Variants in DEPDC1B observed in about 807,000 individuals in gnomAD.
The protein encoded by DEPDC1B is DEP domain containing 1B, also known as DEP domain-containing protein 1B.
A neutral mutation model predicts 66.5 loss-of-function variants in DEPDC1B; 51 were observed. That is an observed-to-expected ratio of 0.77 (90% CI 0.61 to 0.97). The LOEUF (loss-of-function observed/expected upper bound fraction) is 0.97, where lower values mean the gene tolerates loss of function less well. DEPDC1B is among the 50% of genes least tolerant of loss of function. The pLI is 0.00. For missense variants in DEPDC1B, 552 were observed against 637.1 expected (o/e 0.87, Z 1.44); for synonymous variants, 226 against 223.6 (o/e 1.01, Z -0.10).
chr5:60,599,388 T>C (rs565344679), intron 9 of DEPDC1B, 128 bp from the exon 10 acceptor site: 12 of 558,870 alleles, frequency 2.1e-5, no homozygotes, highest in Admixed American at 2.1e-4. Flanking sequence ...CAAAATTTGA[T>C]TGGGGGAAAC....
At chr5:60,603,310 T>C (rs1752238942) in intron 9 of DEPDC1B, 81 bp downstream of exon 9, 1 of 1,324,926 alleles carries the variant, frequency 7.5e-7, no homozygotes, top group Non-Finnish European at 1.0e-6. Context: ...ATCCTCATAA[T>C]AAAATGCCCC....
intron 7 of DEPDC1B, among the ~76,000 whole-genome samples, chr5:60,612,388 A>C (rs1412945653): frequency 6.7e-6 from 1 of 150,348 alleles, no homozygotes; most frequent in Non-Finnish European, 1.5e-5. Flanking sequence ...GTGCCGCTGC[A>C]CTCCAGCCTG....
intron 7 of DEPDC1B, among the ~76,000 whole-genome samples, chr5:60,615,536 G>A (rs1752528172): frequency 6.6e-6 from 1 of 152,196 alleles, no homozygotes; most frequent in Non-Finnish European, 1.5e-5. Flanking sequence ...CGCCCACGGA[G>A]CCTTGCTCAT....
chr5:60,666,757 G>C (rs1319230666), intron 2 of DEPDC1B, among the ~76,000 whole-genome samples: 1 of 152,152 alleles, frequency 6.6e-6, no homozygotes, highest in Non-Finnish European at 1.5e-5. Flanking sequence ...CCAGCCCAGA[G>C]GTGGCACCGA....
intron 7 of DEPDC1B, among the ~76,000 whole-genome samples, chr5:60,624,172 T>C (rs531438711): frequency 6.6e-6 from 1 of 152,316 alleles, no homozygotes; most frequent in South Asian, 2.1e-4. Context: ...TTTTCTTCTA[T>C]TGTAATGTAT....
intron 9 of DEPDC1B, among the ~76,000 whole-genome samples, chr5:60,602,574 C>A (rs1298355230): frequency 6.6e-6 from 1 of 152,098 alleles, no homozygotes; most frequent in Non-Finnish European, 1.5e-5. Flanking sequence ...CTCCCACAGG[C>A]TGACATACAA....
At chr5:60,612,918 A>T (rs1030098901) in intron 7 of DEPDC1B, among the ~76,000 whole-genome samples, 1 of 152,192 alleles carries the variant, frequency 6.6e-6, no homozygotes, top group Non-Finnish European at 1.5e-5. Context: ...TAACTGAAGG[A>T]TATAAAATAA....
chr5:60,638,944 GTAT>G, intron 6 of DEPDC1B, 54 bp from the exon 7 acceptor site: 1 of 1,575,554 alleles, frequency 6.3e-7, no homozygotes, highest in Non-Finnish European at 8.6e-7. Context: ...TTACCTCTAA[GTAT>G]TATTCTCTGT....
chr5:60,612,280 A>T (rs1752428122), intron 7 of DEPDC1B, among the ~76,000 whole-genome samples: 1 of 151,934 alleles, frequency 6.6e-6, no homozygotes, highest in Non-Finnish European at 1.5e-5. Context: ...AAAATTAGCC[A>T]GGCATGGTGG....
chr5:60,631,239 T>A (rs897773781), intron 7 of DEPDC1B, among the ~76,000 whole-genome samples: 1 of 152,162 alleles, frequency 6.6e-6, no homozygotes, highest in African/African-American at 2.4e-5. Flanking sequence ...AGCTTCCTCA[T>A]TACTGGGCAT....
intron 2 of DEPDC1B, among the ~76,000 whole-genome samples, chr5:60,651,549 C>CA (rs3029124): frequency 2.3e-3 from 322 of 140,038 alleles, no homozygotes; most frequent in African/African-American, 7.9e-3. Flanking sequence ...ACAAAAAAAA[C>CA]AAAAAAAAAA....
intron 7 of DEPDC1B, among the ~76,000 whole-genome samples, chr5:60,634,277 G>A (rs1023801485): frequency 1.3e-5 from 2 of 152,178 alleles, no homozygotes; most frequent in Non-Finnish European, 1.5e-5. Flanking sequence ...TTCCTTCCAA[G>A]TCAGACACAT....
chr5:60,619,441 T>A (rs1752648842), intron 7 of DEPDC1B, among the ~76,000 whole-genome samples: 2 of 152,152 alleles, frequency 1.3e-5, no homozygotes, highest in South Asian at 4.1e-4. Context: ...TTCAGCAAAG[T>A]CTCAGGATAC....
intron 7 of DEPDC1B, among the ~76,000 whole-genome samples, chr5:60,624,835 T>C (rs1055717745): frequency 6.6e-6 from 1 of 152,058 alleles, no homozygotes; most frequent in South Asian, 2.1e-4. Context: ...ACCAAAGTAA[T>C]GTCAAACCAA....
chr5:60,658,392 T>C (rs1468527510), intron 2 of DEPDC1B, among the ~76,000 whole-genome samples: 2 of 152,212 alleles, frequency 1.3e-5, no homozygotes, highest in Admixed American at 6.5e-5. Context: ...ATTACCAGAA[T>C]TGTTTTTCTG....
chr5:60,620,288 C>CA (rs1263149228), intron 7 of DEPDC1B, among the ~76,000 whole-genome samples: 1 of 152,096 alleles, frequency 6.6e-6, no homozygotes, highest in Non-Finnish European at 1.5e-5. Flanking sequence ...AATTGACAAA[C>CA]AGGATCTAAT....
At chr5:60,667,994 TATATATAAAATGGATATTTTA>T (rs1753916145) in intron 2 of DEPDC1B, among the ~76,000 whole-genome samples, 1 of 113,436 alleles carries the variant, frequency 8.8e-6, no homozygotes, top group Non-Finnish European at 1.6e-5. Flanking sequence ...ATGGATATTA[TATATATAAAATGGATATTTTA>T]TATATATATA....
chr5:60,662,126 C>A (rs981244906), intron 2 of DEPDC1B, among the ~76,000 whole-genome samples: 16 of 152,026 alleles, frequency 1.1e-4, no homozygotes, highest in African/African-American at 3.1e-4. Flanking sequence ...TGGTGATTCA[C>A]GCCTGTAATC....
intron 7 of DEPDC1B, among the ~76,000 whole-genome samples, chr5:60,624,837 T>C (rs1752777119): frequency 6.6e-6 from 1 of 152,080 alleles, no homozygotes; most frequent in Non-Finnish European, 1.5e-5. Context: ...CAAAGTAATG[T>C]CAAACCAAAG....
Sources: allele counts gnomAD v4.1 joint callset (sites outside exome capture counted in the v4.1 genomes callset), GRCh38; gene constraint gnomAD v4.1.1; transcripts MANE v1.5; gene names NCBI Gene and HGNC (gene_info 2026-07-23, HGNC 2026-07-21).